The following IL1RAPL2 variants were observed in gnomAD, a reference collection of about 807,000 sequenced individuals.
IL1RAPL2 encodes the protein interleukin 1 receptor accessory protein like 2, also known as X-linked interleukin-1 receptor accessory protein-like 2.
Under a neutral mutation model 44.1 loss-of-function variants are expected in IL1RAPL2, and 3 were observed. That is an observed-to-expected ratio of 0.07 (90% CI 0.03 to 0.18). The LOEUF is 0.18. Ranked by LOEUF, IL1RAPL2 falls within the 10% of genes least tolerant of loss-of-function variation. The pLI, the probability that IL1RAPL2 is intolerant of heterozygous loss-of-function variation, is 1.00. For synonymous variants in IL1RAPL2, 181 were observed against 178.8 expected, an observed-to-expected ratio of 1.01 and a Z score of -0.10; for missense variants, 391 against 496.4, an observed-to-expected ratio of 0.79 and a Z score of 2.02.
chrX:104,904,205 T>A (rs1027512494), intron 2 of IL1RAPL2, among the ~76,000 whole-genome samples: 4 of 104,097 alleles, frequency 3.8e-5, no homozygotes, highest in Non-Finnish European at 7.8e-5. Context: ...TGCTCTAACA[T>A]GGAAAGTACT....
At chrX:104,856,936 C>T (rs1375645707) in intron 2 of IL1RAPL2, among the ~76,000 whole-genome samples, 1 of 112,164 alleles carries the variant, frequency 8.9e-6, no homozygotes, top group Non-Finnish European at 1.9e-5. Context: ...TTTAACTATT[C>T]TGGTTATTTC....
At chrX:104,654,291 T>C (rs769279806) in intron 1 of IL1RAPL2, among the ~76,000 whole-genome samples, 1 of 111,471 alleles carries the variant, frequency 9.0e-6, no homozygotes, top group African/African-American at 3.3e-5. Flanking sequence ...GTCTTATGAA[T>C]AAAACAAACA....
intron 6 of IL1RAPL2, among the ~76,000 whole-genome samples, chrX:105,505,547 A>G (rs2036425240): frequency 9.0e-6 from 1 of 111,208 alleles, no homozygotes; most frequent in South Asian, 3.8e-4. Flanking sequence ...GCAGAATAGC[A>G]TATATTAAGG....
At chrX:105,005,697 C>CA (rs1408433759) in intron 2 of IL1RAPL2, among the ~76,000 whole-genome samples, 1 of 110,538 alleles carries the variant, frequency 9.0e-6, no homozygotes, top group Non-Finnish European at 1.9e-5. Flanking sequence ...CTAGTCCTCA[C>CA]AAAAATTCTC....
intron 2 of IL1RAPL2, among the ~76,000 whole-genome samples, chrX:104,840,609 T>G (rs1045396408): frequency 9.0e-6 from 1 of 111,334 alleles, no homozygotes; most frequent in African/African-American, 3.3e-5. Flanking sequence ...GTTCAAGTAC[T>G]GAATATCCTT....
intron 2 of IL1RAPL2, among the ~76,000 whole-genome samples, chrX:105,108,139 A>G (rs1270251229): frequency 9.0e-6 from 1 of 111,497 alleles, no homozygotes; most frequent in African/African-American, 3.3e-5. Flanking sequence ...GCTGGACTCC[A>G]GACTCACATA....
intron 5 of IL1RAPL2, among the ~76,000 whole-genome samples, chrX:105,298,177 T>G (rs1268449597): frequency 1.8e-5 from 2 of 111,436 alleles, no homozygotes; most frequent in East Asian, 2.8e-4. Context: ...TTCAAGTATA[T>G]AATACATTAT....
chrX:105,281,399 G>A (rs188724569), intron 5 of IL1RAPL2, among the ~76,000 whole-genome samples: 12 of 111,653 alleles, frequency 1.1e-4, no homozygotes, highest in Admixed American at 2.9e-4. Context: ...TTCTGCACAT[G>A]TACCCCAGAA....
At chrX:105,466,041 A>C (rs1191972119) in intron 5 of IL1RAPL2, among the ~76,000 whole-genome samples, 2 of 111,411 alleles carry the variant, frequency 1.8e-5, no homozygotes, top group African/African-American at 6.5e-5. Context: ...AGAATTCTCA[A>C]GGGATAGAGG....
intron 2 of IL1RAPL2, among the ~76,000 whole-genome samples, chrX:104,878,955 T>C (rs1237637933): frequency 1.8e-5 from 2 of 110,610 alleles, no homozygotes; most frequent in Admixed American, 9.6e-5. Context: ...GAGGAAGACA[T>C]TAAAGGTACA....
chrX:105,178,949 C>T, intron 2 of IL1RAPL2, among the ~76,000 whole-genome samples: 1 of 111,611 alleles, frequency 9.0e-6, no homozygotes, highest in South Asian at 3.7e-4. Context: ...CAGGTTATCT[C>T]TTTACTCTAT....
At position 104,840,013 on chromosome X, in the gene IL1RAPL2, A is replaced by G. The variant is rs562383559; in HGVS notation, c.82+181018A>G. Among the ~76,000 whole-genome samples the G allele has an allele frequency of 4.8e-4, 54 of 111,535 alleles. No individual in the cohort carries two copies. In the South Asian group the frequency reaches 0.012, roughly 24 times the overall value. On this transcript the variant is annotated intron_variant, in intron 2 of 10. Transcript: ENST00000372582. ...ATTTTGTTAATTTTTTCTAACAAGC[A>G]GCTCCTGGATTCGTTGATTTTTTGG...
chrX:104,905,544 T>C (rs1396007556), intron 2 of IL1RAPL2, among the ~76,000 whole-genome samples: 19 of 111,844 alleles, frequency 1.7e-4, no homozygotes, highest in South Asian at 7.4e-4. Context: ...TTCCCAGCAC[T>C]ATTTATTAAA....
At chrX:105,161,824 A>T in intron 2 of IL1RAPL2, among the ~76,000 whole-genome samples, 1 of 111,902 alleles carries the variant, frequency 8.9e-6, no homozygotes, top group Non-Finnish European at 1.9e-5. Flanking sequence ...TATAAGGTGG[A>T]TATAACTTGG....
chrX:104,950,622 T>G (rs986079758), intron 2 of IL1RAPL2, among the ~76,000 whole-genome samples: 3 of 112,951 alleles, frequency 2.7e-5, no homozygotes, highest in Admixed American at 9.3e-5. Context: ...CAATGAGCGA[T>G]ACTCCGTGGG....
chrX:105,039,393 C>T (rs763403471), intron 2 of IL1RAPL2, among the ~76,000 whole-genome samples: 25 of 111,948 alleles, frequency 2.2e-4, no homozygotes, highest in Non-Finnish European at 4.7e-4. Context: ...ACATCCTCAA[C>T]TCCAAGTCTG....
At chrX:104,657,190 T>C (rs1930283695) in intron 1 of IL1RAPL2, among the ~76,000 whole-genome samples, 1 of 111,381 alleles carries the variant, frequency 9.0e-6, no homozygotes, top group African/African-American at 3.3e-5. Context: ...AAGGTTAATA[T>C]TGTTATTTGT....
chrX:104,928,807 A>G (rs1489863004), intron 2 of IL1RAPL2, among the ~76,000 whole-genome samples: 1 of 111,298 alleles, frequency 9.0e-6, no homozygotes, highest in Non-Finnish European at 1.9e-5. Context: ...ATAATGGGGA[A>G]AAATTGGGCT....
intron 5 of IL1RAPL2, among the ~76,000 whole-genome samples, chrX:105,289,929 A>G (rs2034599934): frequency 9.0e-6 from 1 of 111,653 alleles, no homozygotes; most frequent in African/African-American, 3.3e-5. Context: ...ACAGTAAGGA[A>G]GATTGAGGAG....
Sources: gnomAD v4.1 joint callset for allele counts (sites outside exome capture counted in the v4.1 genomes callset) on GRCh38, gnomAD v4.1.1 for gene constraint, MANE v1.5 for transcripts, NCBI Gene and HGNC (gene_info 2026-07-23, HGNC 2026-07-21) for gene names.